The following GALNT14 variants were observed in gnomAD, a reference collection of about 807,000 sequenced individuals.
The protein encoded by GALNT14 is UDP-GalNAc:polypeptide N-acetylgalactosaminyltransferase 14.
A neutral mutation model predicts 77.5 loss-of-function variants in GALNT14; 60 were observed. The ratio of observed to expected loss-of-function variants is 0.77; its 90% CI spans 0.63 to 0.96. The LOEUF is 0.96. Ranked by LOEUF, GALNT14 falls within the 40% of genes least tolerant of loss-of-function variation. GALNT14 has a pLI of 0.00. For synonymous variants in GALNT14, 280 were observed against 281.7 expected, an observed-to-expected ratio of 0.99 and a Z score of 0.06; for missense variants, 710 against 731.0, an observed-to-expected ratio of 0.97 and a Z score of 0.33.
At chr2:30,887,180 G>T in the GALNT14 span, among the ~76,000 whole-genome samples, 1 of 152,250 alleles carries the variant, frequency 6.6e-6, no homozygotes, top group Non-Finnish European at 1.5e-5. Flanking sequence ...GTGAGTCTAT[G>T]AAAGTGTTTG....
In GALNT14 at chr2:30,993,006, G is replaced by A; in HGVS notation, c.131C>T (p.Pro44Leu). ...PTGPEVQTPK[P>L]SDADWDDLWD... ...CAGGTCGTCCCAGTCAGCGTCCGAA[G>A]GCTGCGTGACACGAATGGGAAGTCT... The change falls in exon 2 of 15, where the codon CCT becomes CTT. Residue 44 changes from proline to leucine, a missense_variant and splice_region_variant. Coordinates refer to ENST00000349752, the MANE Select transcript of GALNT14 (RefSeq NM_024572.4). 1.2e-6 allele frequency: 2 copies of A among 1,613,960 alleles called. No homozygotes were observed. Among genetic ancestry groups the A allele is most frequent in the Non-Finnish European group, 1.7e-6 (2 of 1,179,980 alleles).
chr2:31,103,486 A>C (rs1485322448), intron 1 of GALNT14, among the ~76,000 whole-genome samples: 1 of 72,556 alleles, frequency 1.4e-5, no homozygotes, highest in Non-Finnish European at 3.0e-5. Flanking sequence ...ATAGAGAAGA[A>C]GGAAACACAC....
chr2:31,043,302 T>G (rs922968945), intron 1 of GALNT14, among the ~76,000 whole-genome samples: 1 of 152,230 alleles, frequency 6.6e-6, no homozygotes, highest in Admixed American at 6.5e-5. Flanking sequence ...CTTTCTTACT[T>G]AGCATTTACC....
chr2:30,948,433 C>CT (rs1177940829), intron 6 of GALNT14, among the ~76,000 whole-genome samples: 2 of 152,192 alleles, frequency 1.3e-5, no homozygotes, highest in East Asian at 3.9e-4. Context: ...TGGAGAAGAC[C>CT]TTGGGCCGTG....
At chr2:31,006,123 C>T (rs1670657638) in intron 1 of GALNT14, among the ~76,000 whole-genome samples, 2 of 152,178 alleles carry the variant, frequency 1.3e-5, no homozygotes, top group Admixed American at 6.5e-5. Context: ...AGGACTTTGG[C>T]TCCATGGGCT....
chr2:31,050,653 G>T (rs1573245273), intron 1 of GALNT14, among the ~76,000 whole-genome samples: 2 of 152,260 alleles, frequency 1.3e-5, no homozygotes, highest in African/African-American at 2.4e-5. Flanking sequence ...TTGTGACCAT[G>T]TGCTGCAGTA....
chr2:31,008,366 G>C (rs1288169055), intron 1 of GALNT14, among the ~76,000 whole-genome samples: 5 of 151,922 alleles, frequency 3.3e-5, no homozygotes, highest in Non-Finnish European at 5.9e-5. Flanking sequence ...CAAAGTGCTG[G>C]GATTACAGGT....
intron 1 of GALNT14, among the ~76,000 whole-genome samples, chr2:31,029,064 C>T (rs1288295299): frequency 2.0e-5 from 3 of 152,118 alleles, no homozygotes; most frequent in Non-Finnish European, 4.4e-5. Flanking sequence ...CTCAAACTGC[C>T]CCACCCAACA....
At chr2:30,930,528 C>A (rs899674171) in intron 10 of GALNT14, among the ~76,000 whole-genome samples, 4 of 152,176 alleles carry the variant, frequency 2.6e-5, no homozygotes, top group Non-Finnish European at 5.9e-5. Context: ...AGCCATCAGG[C>A]GTACCAGAAA....
chr2:31,092,766 G>A (rs530603771), intron 1 of GALNT14, among the ~76,000 whole-genome samples: 1 of 152,216 alleles, frequency 6.6e-6, no homozygotes, highest in Non-Finnish European at 1.5e-5. Flanking sequence ...GTACAGTGTA[G>A]TGAATATACA....
intron 1 of GALNT14, among the ~76,000 whole-genome samples, chr2:31,010,520 C>G (rs1163156814): frequency 6.6e-6 from 1 of 152,170 alleles, no homozygotes; most frequent in Non-Finnish European, 1.5e-5. Context: ...GAGGCTGAGG[C>G]AGGAGAATGG....
At chr2:31,111,501 G>A (rs1677832469) in intron 1 of GALNT14, among the ~76,000 whole-genome samples, 1 of 152,164 alleles carries the variant, frequency 6.6e-6, no homozygotes. Flanking sequence ...TTTAACTAGG[G>A]ATACTTTCCT....
intron 1 of GALNT14, among the ~76,000 whole-genome samples, chr2:31,070,964 A>T (rs1282178896): frequency 1.3e-5 from 2 of 152,180 alleles, no homozygotes; most frequent in African/African-American, 2.4e-5. Flanking sequence ...GGGATTGTAG[A>T]TTACACGGGA....
In GALNT14 at chr2:31,023,602, T is replaced by C. The variant is rs181082299; in HGVS notation, c.130-30595A>G. 3.8e-3 allele frequency among the ~76,000 whole-genome samples: 574 copies of C among 152,238 alleles called. 3 individuals carry two copies. Among genetic ancestry groups the C allele is most frequent in the African/African-American group, 0.013 (532 of 41,550 alleles). ...CAACCCCATTAGGCTTTTATCCCAG[T>C]GATTCTACTGAAATTGCCTTCCTGA... On this transcript the variant is annotated intron_variant, in intron 1 of 14. Transcript: ENST00000349752.
chr2:31,077,852 A>G (rs1315599255), intron 1 of GALNT14, among the ~76,000 whole-genome samples: 1 of 152,228 alleles, frequency 6.6e-6, no homozygotes, highest in Non-Finnish European at 1.5e-5. Context: ...TTTCAGTCAC[A>G]GTCTAGGTTA....
intron 1 of GALNT14, among the ~76,000 whole-genome samples, chr2:31,099,280 G>C (rs560575697): frequency 6.6e-6 from 1 of 151,732 alleles, no homozygotes; most frequent in African/African-American, 2.4e-5. Context: ...TATATCCTTT[G>C]CCTATTATTT....
At chr2:30,989,559 CTT>C (rs1491136711) in intron 2 of GALNT14, among the ~76,000 whole-genome samples, 1 of 38,438 alleles carries the variant, frequency 2.6e-5, no homozygotes, top group African/African-American at 1.8e-4. Context: ...AGGTAAATAC[CTT>C]ATATATATAT....
chr2:31,108,237 G>A (rs17010721), intron 1 of GALNT14, among the ~76,000 whole-genome samples: 4,213 of 152,148 alleles, frequency 0.028, 184 homozygotes, highest in African/African-American at 0.096. Context: ...AAATCACCAG[G>A]GCCCCAGGAC....
At chr2:30,957,296 AC>A (rs1558441088) in intron 4 of GALNT14, among the ~76,000 whole-genome samples, 1 of 152,148 alleles carries the variant, frequency 6.6e-6, no homozygotes, top group Non-Finnish European at 1.5e-5. Context: ...ACTGACATGC[AC>A]CAGGTTGATT....
Sources: gnomAD v4.1 joint callset for allele counts (sites outside exome capture counted in the v4.1 genomes callset) on GRCh38, gnomAD v4.1.1 for gene constraint, MANE v1.5 for transcripts, NCBI Gene and HGNC (gene_info 2026-07-23, HGNC 2026-07-21) for gene names.